Variants in PM20D2 observed in about 807,000 individuals in gnomAD.
PM20D2 encodes peptidase M20 domain containing 2.
In PM20D2, 33 loss-of-function variants were observed where a neutral mutation model predicts 42.9. The observed-to-expected ratio is 0.77, with a 90% CI of 0.58 to 1.03. The LOEUF is 1.03. PM20D2 is among the 50% of genes least tolerant of loss of function. The probability of loss-of-function intolerance (pLI) is 0.00; values close to 1 mark genes in which losing one functional copy is unlikely to be tolerated. For synonymous variants in PM20D2, 250 were observed against 228.2 expected (o/e 1.10, Z -0.86); for missense variants, 548 against 557.0 (o/e 0.98, Z 0.16).
chr6:89,159,932 C>T (rs1771178440), intron 5 of PM20D2, among the ~76,000 whole-genome samples: 1 of 152,210 alleles, frequency 6.6e-6, no homozygotes, highest in Non-Finnish European at 1.5e-5. Context: ...GCCTGCTCTA[C>T]CCCGGGTTTG....
At chr6:89,159,476 A>C (rs1771162477) in intron 5 of PM20D2, among the ~76,000 whole-genome samples, 1 of 152,178 alleles carries the variant, frequency 6.6e-6, no homozygotes. Context: ...TCTGGAAGAA[A>C]ATAGTATAAG....
chr6:89,105,278 A>T, the PM20D2 span: 1 of 1,596,440 alleles, frequency 6.3e-7, no homozygotes, highest in South Asian at 1.1e-5. Flanking sequence ...ATAAAGAACA[A>T]GACTTATGAC....
Position 89,163,212 on chromosome 6 carries a change from C to T in PM20D2, c.*949C>T, listed in dbSNP as rs1160610205. The T allele has an allele frequency of 1.3e-5, 2 of 152,150 alleles. No individual in the cohort carries two copies. Among genetic ancestry groups the T allele is most frequent in the African/African-American group, 4.8e-5 (2 of 41,436 alleles). The allele number at this position is 152,150 out of a possible 1,614,324, so 9.4% of individuals were successfully genotyped here. On this transcript the variant is annotated 3_prime_UTR_variant, in exon 7 of 7. Coordinates refer to ENST00000275072, the MANE Select transcript of PM20D2 (RefSeq NM_001010853.3). ...GAATCATCAGAGTTTAAAGTAGCTT[C>T]GTGGATGGACCATGATCCTAAGATG...
chr6:89,134,129 G>T, the PM20D2 span, among the ~76,000 whole-genome samples: 1 of 151,112 alleles, frequency 6.6e-6, no homozygotes, highest in East Asian at 1.9e-4. Context: ...GGCCCTGCCG[G>T]CATTTATTCA....
the PM20D2 span, among the ~76,000 whole-genome samples, chr6:89,102,074 C>T: frequency 6.6e-6 from 1 of 151,652 alleles, no homozygotes. Flanking sequence ...TAACATTGAA[C>T]TAGATGAAGA....
chr6:89,107,076 A>G, the PM20D2 span: 1 of 1,271,210 alleles, frequency 7.9e-7, no homozygotes, highest in Non-Finnish European at 1.2e-6. Context: ...TAATCTCATA[A>G]CATATGCTAC....
chr6:89,126,961 T>C, the PM20D2 span, among the ~76,000 whole-genome samples: 6 of 152,150 alleles, frequency 3.9e-5, no homozygotes, highest in South Asian at 1.2e-3. Flanking sequence ...ATAAGACAAT[T>C]TGAGTAGCAA....
the PM20D2 span, among the ~76,000 whole-genome samples, chr6:89,133,990 C>T: frequency 1.3e-5 from 2 of 151,320 alleles, no homozygotes; most frequent in African/African-American, 4.9e-5. Flanking sequence ...TCCCGCAGAC[C>T]TTGACCCAAC....
At chr6:89,116,803 A>G in the PM20D2 span, among the ~76,000 whole-genome samples, 3 of 151,990 alleles carry the variant, frequency 2.0e-5, no homozygotes, top group Non-Finnish European at 4.4e-5. Flanking sequence ...AAAAAATAAA[A>G]AATACTTAAC....
Position 89,153,159 on chromosome 6 carries a change from A to G in PM20D2, c.731A>G (p.Gln244Arg). The change falls in exon 3 of 7, where the codon CAA (glutamine) becomes CGA (arginine). Residue 244 changes from glutamine (Q) to arginine (R), a missense_variant. Gln to Arg is a conservative substitution (Grantham distance 43). This residue lies in a region of PM20D2 where 470 missense variants were observed against 464.4 expected (regional missense o/e 1.01). Coordinates refer to ENST00000275072, the MANE Select transcript of PM20D2 (RefSeq NM_001010853.3). ...AYNNLSVFRQ[Q>R]MKPTWRVHGI... ...AACAATCTGTCTGTGTTCAGACAGC[A>G]AATGAAACCAACCTGGAGAGTTCAT... The G allele has an allele frequency of 6.2e-7, 1 of 1,607,702 alleles. No individual in the cohort carries two copies. The highest frequency in any genetic ancestry group is 8.5e-7 in the Non-Finnish European group (1 of 1,177,524).
the PM20D2 span, among the ~76,000 whole-genome samples, chr6:89,115,207 C>T: frequency 2.8e-3 from 432 of 152,232 alleles, 1 homozygote; most frequent in Non-Finnish European, 2.9e-3. Flanking sequence ...AAGTGACCTC[C>T]CGGGCTCCCA....
chr6:89,113,790 G>A, the PM20D2 span, among the ~76,000 whole-genome samples: 3 of 152,000 alleles, frequency 2.0e-5, no homozygotes, highest in African/African-American at 4.8e-5. Context: ...CTACAGGTGC[G>A]CACTACCACA....
chr6:89,158,235 T>C (rs2127780945), intron 4 of PM20D2, 90 bp from the exon 5 acceptor site: 1 of 1,180,840 alleles, frequency 8.5e-7, no homozygotes, highest in African/African-American at 1.5e-5. Flanking sequence ...TCTTAAAACC[T>C]CTTCCTATTA....
chr6:89,120,552 A>G, the PM20D2 span, among the ~76,000 whole-genome samples: 2 of 152,172 alleles, frequency 1.3e-5, no homozygotes, highest in Non-Finnish European at 2.9e-5. Flanking sequence ...GAGACATGTA[A>G]ACGATTAACC....
At chr6:89,125,783 CAA>C in the PM20D2 span, among the ~76,000 whole-genome samples, 17 of 143,374 alleles carry the variant, frequency 1.2e-4, no homozygotes, top group African/African-American at 4.1e-4. Context: ...AACTCTGTCT[CAA>C]AAAAAAAAAA....
Position 89,146,343 on chromosome 6 carries a change from G to A in PM20D2, c.199G>A (p.Glu67Lys). 6.4e-7 allele frequency: 1 copy of A among 1,563,528 alleles called. No homozygotes were observed. Among genetic ancestry groups the A allele is most frequent in the East Asian group, 2.3e-5 (1 of 43,148 alleles). Reference sequence around the variant, plus strand: ...CCACCGCGTGCTGACGCACTTCTTCGAGCGGGAGCCGCCCGCGGCCTCCTG... The same window carrying A: ...CCACCGCGTGCTGACGCACTTCTTCAAGCGGGAGCCGCCCGCGGCCTCCTG... ...HAHRVLTHFF[E>K]REPPAASWAV... Residue 67 changes from glutamate (E) to lysine (K), a missense_variant, in exon 1 of 7, where the codon GAG becomes AAG. This residue lies in a region of PM20D2 where 470 missense variants were observed against 464.4 expected (regional missense o/e 1.01). Transcript: ENST00000275072.
At chr6:89,132,417 CT>C in the PM20D2 span, among the ~76,000 whole-genome samples, 227 of 148,222 alleles carry the variant, frequency 1.5e-3, 14 homozygotes, top group African/African-American at 5.8e-3. Context: ...TTCTCATTCT[CT>C]TTTGGGAAGC....
At chr6:89,151,825 C>T (rs1396498705) in intron 2 of PM20D2, among the ~76,000 whole-genome samples, 2 of 152,084 alleles carry the variant, frequency 1.3e-5, no homozygotes, top group East Asian at 1.9e-4. Flanking sequence ...AGGTGGCTCA[C>T]ACCTGTAATC....
At chr6:89,126,739 A>G in the PM20D2 span, among the ~76,000 whole-genome samples, 1 of 151,216 alleles carries the variant, frequency 6.6e-6, no homozygotes, top group East Asian at 1.9e-4. Flanking sequence ...TGACCAGCCC[A>G]GTACCATTTG....
Sources: gnomAD v4.1 joint callset for allele counts (sites outside exome capture counted in the v4.1 genomes callset) on GRCh38, gnomAD v4.1.1 for gene constraint, gnomAD v4.1.1 regional missense constraint, MANE v1.5 for transcripts, NCBI Gene and HGNC (gene_info 2026-07-23, HGNC 2026-07-21) for gene names.